SLC4A4: variants seen among roughly 807,000 people sequenced by gnomAD.
SLC4A4 encodes solute carrier family 4 member 4, also known as electrogenic sodium bicarbonate cotransporter 1.
A neutral mutation model predicts 111.5 loss-of-function variants in SLC4A4; 27 were observed. That is an observed-to-expected ratio of 0.24 (90% CI 0.18 to 0.33). SLC4A4 has a LOEUF of 0.33. SLC4A4 is among the 10% of genes least tolerant of loss of function. The pLI, the probability that SLC4A4 is intolerant of heterozygous loss-of-function variation, is 1.00. For synonymous variants in SLC4A4, 443 were observed against 463.4 expected, an observed-to-expected ratio of 0.96 and a Z score of 0.57; for missense variants, 909 against 1,315.5, an observed-to-expected ratio of 0.69 and a Z score of 4.78.
chr4:71,349,990 T>C lies in SLC4A4; in HGVS notation c.468T>C (p.His156=). ...SKPHVATLSL[H]SLFELRTCME... is the part of the protein sequence containing the mutation. ...CCCATGTGGCCACATTGTCCCTTCA[T>C]AGTTTATTTGAGCTGAGGACATGTA... The change falls in exon 5 of 26, where the codon CAT becomes CAC. Residue 156 remains histidine, a synonymous_variant. Transcript: ENST00000264485. 6.2e-7 allele frequency: 1 copy of C among 1,614,062 alleles called. No homozygotes were observed. The highest frequency in any genetic ancestry group is 8.5e-7 in the Non-Finnish European group (1 of 1,179,972).
intron 7 of SLC4A4, among the ~76,000 whole-genome samples, chr4:71,428,399 A>G (rs989868613): frequency 1.2e-4 from 18 of 152,070 alleles, no homozygotes; most frequent in Non-Finnish European, 5.9e-5. Context: ...GACATTTTTG[A>G]GAATGAAAAG....
At chr4:71,223,997 T>C (rs1215955448) in intron 1 of SLC4A4, among the ~76,000 whole-genome samples, 1 of 152,100 alleles carries the variant, frequency 6.6e-6, no homozygotes, top group Non-Finnish European at 1.5e-5. Flanking sequence ...CACTGCCCCA[T>C]TTTTACCTCT....
intron 6 of SLC4A4, among the ~76,000 whole-genome samples, chr4:71,394,996 C>A (rs1719670652): frequency 6.6e-6 from 1 of 152,068 alleles, no homozygotes; most frequent in African/African-American, 2.4e-5. Context: ...GTGATGAGTG[C>A]ATCAAAATCT....
At chr4:71,293,798 CAT>C (rs937475820) in intron 3 of SLC4A4, among the ~76,000 whole-genome samples, 1 of 152,142 alleles carries the variant, frequency 6.6e-6, no homozygotes, top group Non-Finnish European at 1.5e-5. Flanking sequence ...CTTTCCACCT[CAT>C]GTGTTTTGAA....
chr4:71,316,625 A>G (rs1478606963), intron 3 of SLC4A4, among the ~76,000 whole-genome samples: 2 of 152,122 alleles, frequency 1.3e-5, no homozygotes, highest in Middle Eastern at 3.2e-3. Context: ...AATGTGTGCC[A>G]TAGTAGTTTG....
At position 71,400,808 on chromosome 4, in the gene SLC4A4, A is replaced by G. The variant is rs150291845; in HGVS notation, c.807+3155A>G. Among the ~76,000 whole-genome samples the G allele has an allele frequency of 1.2e-3, 177 of 152,298 alleles. 1 individual carries two copies. Among genetic ancestry groups the G allele is most frequent in the African/African-American group, 4.2e-3 (173 of 41,560 alleles). On this transcript the variant is annotated intron_variant, in intron 7 of 25. Coordinates refer to ENST00000264485, the MANE Select transcript of SLC4A4 (RefSeq NM_001098484.3). Reference sequence around the variant, plus strand: ...GATTTGCAAGTAAGATGAAGCTGTGATAAACTCTGGCTTTTATTTTTTTTT... The same window carrying G: ...GATTTGCAAGTAAGATGAAGCTGTGGTAAACTCTGGCTTTTATTTTTTTTT...
At chr4:71,310,417 A>T (rs1726044183) in intron 3 of SLC4A4, among the ~76,000 whole-genome samples, 1 of 152,188 alleles carries the variant, frequency 6.6e-6, no homozygotes, top group Non-Finnish European at 1.5e-5. Context: ...GGAAAAAAGA[A>T]TGTTAAAGGG....
At chr4:71,291,533 G>A (rs1326247771) in intron 3 of SLC4A4, among the ~76,000 whole-genome samples, 1 of 151,766 alleles carries the variant, frequency 6.6e-6, no homozygotes, top group Admixed American at 6.6e-5. Context: ...TGGAACTCCT[G>A]GGCTCCAGCA....
chr4:71,349,453 G>A (rs537588549), intron 4 of SLC4A4, among the ~76,000 whole-genome samples: 4 of 152,200 alleles, frequency 2.6e-5, no homozygotes, highest in East Asian at 3.9e-4. Flanking sequence ...TTATGTCTGC[G>A]ATAAATATTG....
intron 1 of SLC4A4, among the ~76,000 whole-genome samples, chr4:71,091,163 G>T (rs1260442723): frequency 1.3e-5 from 2 of 152,142 alleles, no homozygotes; most frequent in Non-Finnish European, 2.9e-5. Context: ...GGCCAGGCTG[G>T]TCTTGAACTC....
chr4:71,472,901 C>T lies in SLC4A4; in HGVS notation c.1834C>T (p.Pro612Ser), dbSNP rs763557637. ...KKMIKLADYY[P>S]INSNFKVGYN... is the part of the protein sequence containing the mutation. The stretch of plus-strand genomic sequence containing the variant: ...GATGATCAAGCTTGCAGATTACTAC[C>T]CCATCAACTCCAACTTCAAAGTGGG... Residue 612 changes from proline to serine, a missense_variant, in exon 14 of 26, where the codon CCC (proline) becomes TCC (serine). By Grantham distance (74) the Pro-to-Ser change is moderately conservative (BLOSUM62 -1). Around this residue, in one of 7 missense-constraint regions of SLC4A4, gnomAD observed 264 missense variants for 356.8 expected, o/e 0.74. Transcript: ENST00000264485. The T allele has an allele frequency of 5.1e-5, 82 of 1,612,722 alleles. 5 individuals carry two copies. Among genetic ancestry groups the T allele is most frequent in the Non-Finnish European group, 2.5e-6 (3 of 1,179,326 alleles).
intron 20 of SLC4A4, among the ~76,000 whole-genome samples, chr4:71,548,523 T>C (rs1203376926): frequency 2.6e-5 from 4 of 151,862 alleles, no homozygotes; most frequent in Non-Finnish European, 5.9e-5. Context: ...TTTTCAATCA[T>C]ATAAACATGC....
At chr4:71,472,524 A>G (rs1421145755) in intron 13 of SLC4A4, among the ~76,000 whole-genome samples, 175 bp from the exon 14 acceptor site, 2 of 152,100 alleles carry the variant, frequency 1.3e-5, no homozygotes, top group South Asian at 2.1e-4. Flanking sequence ...TAAAAATTGT[A>G]TCATTAAACT....
At chr4:71,409,482 A>T (rs773631168) in intron 7 of SLC4A4, among the ~76,000 whole-genome samples, 4 of 152,214 alleles carry the variant, frequency 2.6e-5, no homozygotes, top group Non-Finnish European at 2.9e-5. Context: ...TGCCCTAGAG[A>T]TACGTGAAAC....
chr4:71,429,870 A>G (rs958735646), intron 7 of SLC4A4, among the ~76,000 whole-genome samples: 2 of 152,088 alleles, frequency 1.3e-5, no homozygotes, highest in African/African-American at 2.4e-5. Flanking sequence ...CGTATATTCT[A>G]TTCTTGTTTT....
chr4:71,234,654 A>G (rs997894059), intron 1 of SLC4A4, among the ~76,000 whole-genome samples: 10 of 152,134 alleles, frequency 6.6e-5, no homozygotes, highest in Admixed American at 2.0e-4. Flanking sequence ...CCAACTCCTG[A>G]CCTCAAGTGA....
Position 71,292,762 on chromosome 4 carries a change from CG to C in SLC4A4, c.253+37364del, listed in dbSNP as rs1258530869. Among the ~76,000 whole-genome samples, 6 of 148,254 alleles carry C rather than the reference CG, an allele frequency of 4.0e-5. No individual in the cohort carries two copies. The East Asian group carries it at 1.2e-3, about 29-fold the overall frequency. On this transcript the variant is annotated intron_variant, in intron 3 of 25. Coordinates refer to ENST00000264485, the MANE Select transcript of SLC4A4 (RefSeq NM_001098484.3). ...TGAGAGGAAAAAAGATAGGTACAAACGAAAGAGGAAAGAACAAATGTAAATC... is the reference window on the plus strand; with the variant it reads ...TGAGAGGAAAAAAGATAGGTACAAACAAAGAGGAAAGAACAAATGTAAATC...
intron 2 of SLC4A4, among the ~76,000 whole-genome samples, chr4:71,169,858 T>C (rs1359802811): frequency 6.6e-6 from 1 of 152,234 alleles, no homozygotes; most frequent in Non-Finnish European, 1.5e-5. Context: ...TAGTTTCTGA[T>C]TGCACTTGGA....
At position 71,213,748 on chromosome 4, in the gene SLC4A4, T is replaced by C. The variant is rs186754345; in HGVS notation, c.-1-22828T>C. Among the ~76,000 whole-genome samples the C allele has an allele frequency of 3.9e-5, 6 of 152,222 alleles. No individual in the cohort carries two copies. In the East Asian group the frequency reaches 1.2e-3, roughly 29 times the overall value. ...GTTATGAGGGTGGAGCCCTCATCAA[T>C]GGGATTAGTGCCCCTGTAAGAAGAG... On this transcript the variant is annotated intron_variant, in intron 1 of 25. Transcript: ENST00000264485.
Sources: gnomAD v4.1 joint callset for allele counts (sites outside exome capture counted in the v4.1 genomes callset) on GRCh38, gnomAD v4.1.1 for gene constraint, gnomAD v4.1.1 regional missense constraint, MANE v1.5 for transcripts, NCBI Gene and HGNC (gene_info 2026-07-23, HGNC 2026-07-21) for gene names.